Variants in EPB41L5 observed in about 807,000 individuals in gnomAD.
EPB41L5 encodes band 4.1-like protein 5.
A neutral mutation model predicts 106.6 loss-of-function variants in EPB41L5; 55 were observed. The observed-to-expected ratio is 0.52, with a 90% CI of 0.42 to 0.65. The LOEUF (loss-of-function observed/expected upper bound fraction) is 0.65. EPB41L5 is among the 30% of genes least tolerant of loss of function. The pLI is 0.00. For missense variants in EPB41L5, 871 were observed against 882.1 expected (o/e 0.99, Z 0.16); for synonymous variants, 297 against 306.7 (o/e 0.97, Z 0.33).
At chr2:120,168,749 A>G (rs1430888153) in intron 24 of EPB41L5, among the ~76,000 whole-genome samples, 1 of 152,238 alleles carries the variant, frequency 6.6e-6, no homozygotes, top group Non-Finnish European at 1.5e-5. Flanking sequence ...AATTGTCTCC[A>G]CAGTGTTCAA....
Position 120,175,096 on chromosome 2 carries a change from A to G in EPB41L5, c.*189A>G. On this transcript the variant is annotated 3_prime_UTR_variant, in exon 25 of 25. Coordinates refer to ENST00000263713, the MANE Select transcript of EPB41L5 (RefSeq NM_020909.4). The stretch of plus-strand genomic sequence containing the variant: ...CTGGAATTGTTGAATCACACTGCAT[A>G]GCTGCCCAAAAGAGAGTGTTTGGTC... 1.6e-6 allele frequency: 1 copy of G among 606,086 alleles called. No individual in the cohort carries two copies. Among genetic ancestry groups the G allele is most frequent in the Non-Finnish European group, 3.0e-6 (1 of 334,832 alleles). 37.5% of individuals were successfully genotyped at this position (606,086 alleles called of 1,614,324 possible).
rs185387946 is a variant in EPB41L5 at position 120,122,692 on chromosome 2, G to T, written c.1338-4996G>T. On this transcript the variant is annotated intron_variant, in intron 16 of 24. Transcript: ENST00000263713. ...TTGGTTCCATATGAACTTTAAAGTA[G>T]TTTTTTCCAATTCTGGGTAGAAAGT... Among the ~76,000 whole-genome samples, 3 of 152,312 alleles carry T rather than the reference G, an allele frequency of 2.0e-5. No homozygotes were observed. In the East Asian group the frequency reaches 5.8e-4, roughly 29 times the overall value.
chr2:120,156,380 C>G (rs1168306030), intron 20 of EPB41L5, among the ~76,000 whole-genome samples: 4 of 152,188 alleles, frequency 2.6e-5, no homozygotes, highest in Non-Finnish European at 5.9e-5. Flanking sequence ...CTGCCCACTC[C>G]CTCCCCACAC....
intron 24 of EPB41L5, among the ~76,000 whole-genome samples, chr2:120,169,420 C>T (rs1203657257): frequency 6.6e-6 from 1 of 152,112 alleles, no homozygotes; most frequent in Non-Finnish European, 1.5e-5. Context: ...TTACTTGTGA[C>T]CTTAGAATAG....
chr2:120,052,179 C>T (rs6542565), intron 3 of EPB41L5, among the ~76,000 whole-genome samples: 104,542 of 152,068 alleles, frequency 0.69, 37,502 homozygotes, highest in Non-Finnish European at 0.79. Context: ...TGGAGTACTG[C>T]GGTTTCCTTA....
chr2:120,132,957 C>T (rs1358896137), intron 18 of EPB41L5, among the ~76,000 whole-genome samples: 1 of 152,082 alleles, frequency 6.6e-6, no homozygotes, highest in East Asian at 1.9e-4. Flanking sequence ...GTAAAATGTC[C>T]TGCTTATCTC....
At chr2:120,104,720 A>C (rs1684348177) in intron 16 of EPB41L5, 1 of 942,980 alleles carries the variant, frequency 1.1e-6, no homozygotes, top group Admixed American at 6.2e-5. Context: ...AATATGTCTA[A>C]AGTGACACAT....
intron 16 of EPB41L5, among the ~76,000 whole-genome samples, chr2:120,110,635 A>ATTT (rs1234465616): frequency 8.4e-6 from 1 of 118,734 alleles, no homozygotes. Flanking sequence ...ACCTTCCCCT[A>ATTT]TTTTTTTTTT....
chr2:120,093,148 C>A, intron 13 of EPB41L5, 101 bp from the exon 14 acceptor site: 1 of 957,218 alleles, frequency 1.0e-6, no homozygotes, highest in Non-Finnish European at 1.7e-6. Flanking sequence ...GGTTGTGAAA[C>A]ATGGCTTGTA....
At chr2:120,167,619 C>T in intron 23 of EPB41L5, 112 bp downstream of exon 23, 1 of 1,206,448 alleles carries the variant, frequency 8.3e-7, no homozygotes, top group Non-Finnish European at 1.2e-6. Context: ...TTATCAAAGC[C>T]TTGTTAACTG....
chr2:120,026,794 A>G (rs1344424488), intron 2 of EPB41L5, among the ~76,000 whole-genome samples: 1 of 152,256 alleles, frequency 6.6e-6, no homozygotes, highest in Non-Finnish European at 1.5e-5. Context: ...AATAAGTTAC[A>G]AGACTGTCAC....
intron 1 of EPB41L5, 39 bp from the exon 2 acceptor site, chr2:120,019,038 T>A: frequency 6.5e-7 from 1 of 1,547,888 alleles, no homozygotes; most frequent in Non-Finnish European, 8.8e-7. Flanking sequence ...AGAATCTCAT[T>A]TTTTTCCTGA....
chr2:120,105,324 T>G (rs1468105294), intron 16 of EPB41L5: 2 of 958,656 alleles, frequency 2.1e-6, no homozygotes, highest in African/African-American at 3.5e-5. Context: ...ACATAGAAAT[T>G]TATAGATATT....
chr2:120,148,161 T>C (rs1686495426), intron 20 of EPB41L5, among the ~76,000 whole-genome samples: 1 of 152,150 alleles, frequency 6.6e-6, no homozygotes, highest in Non-Finnish European at 1.5e-5. Context: ...TTTCTTTTTT[T>C]TACTGACATA....
intron 16 of EPB41L5, among the ~76,000 whole-genome samples, chr2:120,103,014 TAAAAG>T (rs971039375): frequency 1.3e-5 from 2 of 152,218 alleles, no homozygotes; most frequent in Non-Finnish European, 2.9e-5. Flanking sequence ...GTATTTCAGT[TAAAAG>T]AAAGATGATT....
At chr2:120,075,187 A>G (rs1682144526) in intron 5 of EPB41L5, among the ~76,000 whole-genome samples, 2 of 152,198 alleles carry the variant, frequency 1.3e-5, no homozygotes, top group South Asian at 4.1e-4. Flanking sequence ...ATAGTTTACA[A>G]TTACGTATTT....
rs1362124999 is a variant in EPB41L5, at chr2:120,178,702, C to G, written c.*3795C>G. On this transcript the variant is annotated 3_prime_UTR_variant, in exon 25 of 25. Coordinates refer to ENST00000263713, the MANE Select transcript of EPB41L5 (RefSeq NM_020909.4). Reference sequence around the variant, plus strand: ...TTATAGAAATTTGCCCTGAGCTGAACTGGGTTGTGTTAACACATTGGTAGA... The same window carrying G: ...TTATAGAAATTTGCCCTGAGCTGAAGTGGGTTGTGTTAACACATTGGTAGA... 6.6e-6 allele frequency: 1 copy of G among 152,220 alleles called. No homozygotes were observed. The highest frequency in any genetic ancestry group is 1.9e-4 in the East Asian group (1 of 5,198). 9.4% of individuals were successfully genotyped at this position (152,220 alleles called of 1,614,324 possible).
chr2:120,074,445 G>T, intron 5 of EPB41L5: 1 of 304,964 alleles, frequency 3.3e-6, no homozygotes, highest in Non-Finnish European at 6.0e-6. Context: ...CTCAACTCAG[G>T]AATGTTAACA....
intron 18 of EPB41L5, among the ~76,000 whole-genome samples, chr2:120,135,666 C>A (rs937297300): frequency 2.6e-5 from 4 of 152,130 alleles, no homozygotes; most frequent in African/African-American, 9.7e-5. Flanking sequence ...TTTCAGCAGA[C>A]ACCTCACAGG....
Sources: gnomAD v4.1 joint callset for allele counts (sites outside exome capture counted in the v4.1 genomes callset) on GRCh38, gnomAD v4.1.1 for gene constraint, MANE v1.5 for transcripts, NCBI Gene and HGNC (gene_info 2026-07-23, HGNC 2026-07-21) for gene names.